MMP9: variants seen among roughly 807,000 people sequenced by gnomAD.
The protein encoded by MMP9 is matrix metallopeptidase 9.
In MMP9, 73 loss-of-function variants were observed where a neutral mutation model predicts 76.4. The observed-to-expected ratio is 0.96, with a 90% confidence interval of 0.79 to 1.16. The LOEUF (loss-of-function observed/expected upper bound fraction) is 1.16, where lower values mean the gene tolerates loss of function less well. Among genes scored for constraint, MMP9 ranks in the 50% most tolerant of loss-of-function variants. The pLI is 0.00. For synonymous variants in MMP9, 412 were observed against 408.4 expected (o/e 1.01, Z -0.11); for missense variants, 943 against 973.0 (o/e 0.97, Z 0.41).
At position 46,011,661 on chromosome 20, in the gene MMP9, C is replaced by T; in HGVS notation, c.911C>T (p.Thr304Met). The T allele has an allele frequency of 1.2e-6, 2 of 1,614,128 alleles. No homozygotes were observed. Among genetic ancestry groups the T allele is most frequent in the Non-Finnish European group, 8.5e-7 (1 of 1,180,026 alleles). Residue 304 changes from threonine (T) to methionine (M), a missense_variant, in exon 6 of 13, where the codon ACG becomes ATG. Transcript: ENST00000372330. Reference protein sequence around the residue: ...FQGQSYSACTTDGRSDGYRWC... With the variant: ...FQGQSYSACTMDGRSDGYRWC... ...GGCCAATCCTACTCCGCCTGCACCA[C>T]GGACGGTCGCTCCGACGGCTACCGC...
In MMP9 at chr20:46,013,496, C is replaced by T. The variant is rs768048475; in HGVS notation, c.1572C>T (p.Ile524=). 3.7e-6 allele frequency: 6 copies of T among 1,613,972 alleles called. No individual in the cohort carries two copies. The highest frequency in any genetic ancestry group is 1.1e-5 in the South Asian group (1 of 91,074). ...DACNVNIFDA[I]AEIGNQLYLF... ...GCAACGTGAACATCTTCGACGCCAT[C>T]GCGGAGATTGGGAACCAGCTGTATT... Residue 524 remains isoleucine, a synonymous_variant, in exon 9 of 13, where the codon ATC becomes ATT. Coordinates refer to ENST00000372330, the MANE Select transcript of MMP9 (RefSeq NM_004994.3). The surrounding 1 kb of genome is among the most constrained non-coding windows in gnomAD (Gnocchi z 4.5).
In MMP9 at chr20:46,012,503, G is replaced by C. The variant is rs1400653796; in HGVS notation, c.1251G>C (p.Ala417=). 1.2e-6 allele frequency: 2 copies of C among 1,613,996 alleles called. No homozygotes were observed. The highest frequency in any genetic ancestry group is 1.7e-5 in the Admixed American group (1 of 60,022). The change falls in exon 8 of 13, where the codon GCG becomes GCC. Residue 417 remains alanine, a synonymous_variant. Coordinates refer to ENST00000372330, the MANE Select transcript of MMP9 (RefSeq NM_004994.3). The part of the protein sequence containing the change: ...LGLDHSSVPE[A]LMYPMYRFTE... ...TAGATCATTCCTCAGTGCCGGAGGC[G>C]CTCATGTACCCTATGTACCGCTTCA...
chr20:46,014,928 C>T (rs1056811735), intron 12 of MMP9: 32 of 170,738 alleles, frequency 1.9e-4, no homozygotes, highest in African/African-American at 6.5e-4. Context: ...TCTTACCAGT[C>T]ACATCCAAAC....
At chr20:46,011,471 G>A in intron 5 of MMP9, 103 bp from the exon 6 acceptor site, 2 of 1,571,772 alleles carry the variant, frequency 1.3e-6, no homozygotes, top group South Asian at 2.2e-5. Flanking sequence ...TGAGAGATGG[G>A]ATGAACTGCA....
At chr20:46,011,857 CA>C (rs2084282070) in intron 6 of MMP9, 110 bp downstream of exon 6, 1 of 1,365,238 alleles carries the variant, frequency 7.3e-7, no homozygotes, top group African/African-American at 1.4e-5. Context: ...CATTGGTCCT[CA>C]GGACGACCGT....
At chr20:46,010,329 A>AACAAAACAAAACAAAAC (rs1555856944) in intron 2 of MMP9, among the ~76,000 whole-genome samples, 154 bp from the exon 3 acceptor site, 3 of 143,742 alleles carry the variant, frequency 2.1e-5, no homozygotes, top group African/African-American at 7.7e-5. Context: ...GACAAAAAAA[A>AACAAAACAAAACAAAAC]AAAAAAAAAA....
In MMP9 at chr20:46,013,780, G is replaced by T; in HGVS notation, c.1734G>T (p.Lys578Asn). 6.2e-7 allele frequency: 1 copy of T among 1,613,066 alleles called. No individual in the cohort carries two copies. ...TCTTTGAGGAGCGGCTCTCCAAGAA[G>T]CTTTTCTTCTTCTCTGGTTAGTTAC... The part of the protein sequence containing the change: ...DSVFEERLSK[K>N]LFFFSGRQVW... Residue 578 changes from lysine (K) to asparagine (N), a missense_variant, in exon 10 of 13, where the codon AAG (lysine) becomes AAT (asparagine). Transcript: ENST00000372330. This position sits in a 1 kb window ranked among gnomAD's most constrained non-coding sequence, Gnocchi z 4.5.
intron 2 of MMP9, 24 bp downstream of exon 2, chr20:46,010,122 C>CGGGGGGGGCTGG: frequency 1.3e-6 from 1 of 781,182 alleles, no homozygotes; most frequent in African/African-American, 1.8e-5. Context: ...GTGGGGGCAG[C>CGGGGGGGGCTGG]GGGGTGGGGC....
intron 1 of MMP9, 132 bp from the exon 2 acceptor site, chr20:46,009,734 G>A: frequency 2.5e-6 from 2 of 799,912 alleles, no homozygotes; most frequent in Non-Finnish European, 4.2e-6. Flanking sequence ...GCTGCAGTGG[G>A]CTGATACCGT....
chr20:46,012,337 G>T lies in MMP9; in HGVS notation c.1174+24G>T, dbSNP rs760500852. ...AGGTAGGCGTGGTCCCGCGGCTCCG[G>T]GGCTGGGGTTCCCGGCAGTGGTGGT... On this transcript the variant is annotated intron_variant, in intron 7 of 12. Coordinates refer to ENST00000372330, the MANE Select transcript of MMP9 (RefSeq NM_004994.3). 20 of 1,612,362 alleles carry T rather than the reference G, an allele frequency of 1.2e-5. No homozygotes were observed. In the East Asian group the frequency reaches 4.5e-4, roughly 36 times the overall value.
At chr20:46,015,188 C>A (rs551311257) in intron 12 of MMP9, among the ~76,000 whole-genome samples, 2 of 152,308 alleles carry the variant, frequency 1.3e-5, no homozygotes, top group African/African-American at 4.8e-5. Context: ...TCTCTTCCCA[C>A]TCCTCCTGTT....
rs749041567 is a variant in MMP9, at chr20:46,013,432, C to G, written c.1508C>G (p.Thr503Arg). 21 of 1,613,626 alleles carry G rather than the reference C, an allele frequency of 1.3e-5. No homozygotes were observed. The highest frequency in any genetic ancestry group is 1.7e-5 in the Non-Finnish European group (20 of 1,179,962). The stretch of plus-strand genomic sequence containing the variant: ...GGTCCCCCCACTGCTGGCCCTTCTA[C>G]GGCCACTACTGTGCCTTTGAGTCCG... ...PTGPPTAGPS[T>R]ATTVPLSPVD... Residue 503 changes from threonine to arginine, a missense_variant, in exon 9 of 13, where the codon ACG becomes AGG. Transcript: ENST00000372330. This position sits in a 1 kb window ranked among gnomAD's most constrained non-coding sequence, Gnocchi z 4.5.
At chr20:46,011,114 C>G in intron 4 of MMP9, 29 bp from the exon 5 acceptor site, 1 of 1,614,028 alleles carries the variant, frequency 6.2e-7, no homozygotes, top group Non-Finnish European at 8.5e-7. Context: ...CACCCGCCGC[C>G]CTAACTCCGG....
In MMP9 at chr20:46,012,215, C is replaced by G. The variant is rs776534377; in HGVS notation, c.1076C>G (p.Ser359Trp). The G allele has an allele frequency of 6.2e-7, 1 of 1,614,184 alleles. No homozygotes were observed. Among genetic ancestry groups the G allele is most frequent in the South Asian group, 1.1e-5 (1 of 91,088 alleles). The change falls in exon 7 of 13, where the codon TCG (serine) becomes TGG (tryptophan). Residue 359 changes from serine (S) to tryptophan (W), a missense_variant. Coordinates refer to ENST00000372330, the MANE Select transcript of MMP9 (RefSeq NM_004994.3). ...TTCACTTTCCTGGGTAAGGAGTACT[C>G]GACCTGTACCAGCGAGGGCCGCGGA... ...FPFTFLGKEYSTCTSEGRGDG... is the reference protein window; with the variant it reads ...FPFTFLGKEYWTCTSEGRGDG...
chr20:46,016,484 G>A lies in MMP9; in HGVS notation c.*116G>A. 1.2e-5 allele frequency: 10 copies of A among 858,246 alleles called. No homozygotes were observed. The highest frequency in any genetic ancestry group is 1.6e-5 in the Non-Finnish European group (8 of 504,586). 53.2% of individuals were successfully genotyped at this position (858,246 alleles called of 1,614,324 possible). A position where few individuals can be genotyped will look rare whatever the true frequency, so the allele number is the denominator to read the frequency against. ...CTGTTCTGGAGGAAAGGGAGGAGTG[G>A]AGGTGGGCTGGGCCCTCTCTTCTCA... On this transcript the variant is annotated 3_prime_UTR_variant, in exon 13 of 13. Transcript: ENST00000372330.
In MMP9 at chr20:46,013,699, G is replaced by T. The variant is rs748984817; in HGVS notation, c.1653G>T (p.Gln551His). The change falls in exon 10 of 13, where the codon CAG (glutamine) becomes CAT (histidine). Residue 551 changes from glutamine to histidine, a missense_variant. By Grantham distance (24) the Gln-to-His change is conservative. Coordinates refer to ENST00000372330, the MANE Select transcript of MMP9 (RefSeq NM_004994.3). This position sits in a 1 kb window ranked among gnomAD's most constrained non-coding sequence, Gnocchi z 4.5. ...RFSEGRGSRP[Q>H]GPFLIADKWP... Reference sequence around the variant, plus strand: ...CTGAGGGCAGGGGGAGCCGGCCGCAGGGCCCCTTCCTTATCGCCGACAAGT... The same window carrying T: ...CTGAGGGCAGGGGGAGCCGGCCGCATGGCCCCTTCCTTATCGCCGACAAGT... 3 of 1,613,806 alleles carry T rather than the reference G, an allele frequency of 1.9e-6. No homozygotes were observed. The highest frequency in any genetic ancestry group is 2.5e-6 in the Non-Finnish European group (3 of 1,179,948).
rs1343899909 is a variant in MMP9 at position 46,012,518 on chromosome 20, G to A, written c.1266G>A (p.Met422Ile). Residue 422 changes from methionine to isoleucine, a missense_variant, in exon 8 of 13, where the codon ATG becomes ATA. Coordinates refer to ENST00000372330, the MANE Select transcript of MMP9 (RefSeq NM_004994.3). ...SSVPEALMYP[M>I]YRFTEGPPLH... ...TGCCGGAGGCGCTCATGTACCCTAT[G>A]TACCGCTTCACTGAGGGGCCCCCCT... is the stretch of plus-strand genomic sequence containing the variant. 2 of 1,614,172 alleles carry A rather than the reference G, an allele frequency of 1.2e-6. No individual in the cohort carries two copies. The highest frequency in any genetic ancestry group is 2.2e-5 in the East Asian group (1 of 44,874).
rs1414646892 is a variant in MMP9 at position 46,010,947 on chromosome 20, CG to C, written c.549del (p.Lys184ArgfsTer154). 3.1e-6 allele frequency: 5 copies of C among 1,614,238 alleles called. No individual in the cohort carries two copies. Among genetic ancestry groups the C allele is most frequent in the Non-Finnish European group, 4.2e-6 (5 of 1,180,046 alleles). ...AGCACGGAGACGGGTATCCCTTCGA[CG>C]GGAAGGACGGGCTCCTGGCACACGC... ...AEHGDGYPFD[G>X]KDGLLAHAFP... On this transcript the variant is annotated frameshift_variant, in exon 4 of 13. Coordinates refer to ENST00000372330, the MANE Select transcript of MMP9 (RefSeq NM_004994.3). LOFTEE classifies it high-confidence loss of function.
intron 10 of MMP9, 75 bp from the exon 11 acceptor site, chr20:46,014,049 A>C: frequency 6.5e-7 from 1 of 1,527,124 alleles, no homozygotes; most frequent in Admixed American, 2.0e-5. Context: ...GCCTCGCCGG[A>C]ATCTCCCTCC....
Sources: gnomAD v4.1 joint callset for allele counts (sites outside exome capture counted in the v4.1 genomes callset) on GRCh38, gnomAD v4.1.1 for gene constraint, Gnocchi (gnomAD v3.1) non-coding constraint, MANE v1.5 for transcripts, NCBI Gene and HGNC (gene_info 2026-07-23, HGNC 2026-07-21) for gene names.